Variants in CCDC7 observed in about 807,000 individuals in gnomAD.
CCDC7 encodes the protein coiled-coil domain containing 7, also known as coiled-coil domain-containing protein 7.
In CCDC7, 183 loss-of-function variants were observed where a neutral mutation model predicts 196.9. That is an observed-to-expected ratio of 0.93 (90% CI 0.82 to 1.05). The LOEUF is 1.05. Ranked by LOEUF, CCDC7 falls within the 50% of genes least tolerant of loss-of-function variation. The probability of loss-of-function intolerance (pLI) is 0.00; values close to 1 mark genes in which losing one functional copy is unlikely to be tolerated. For synonymous variants in CCDC7, 525 were observed against 484.6 expected (o/e 1.08, Z -1.10); for missense variants, 1,540 against 1,482.2 (o/e 1.04, Z -0.64).
In CCDC7 at chr10:32,843,089, TAAAAAAATAAATTTTTTTAAAAAATTTA is replaced by T. The variant is rs954786937; in HGVS notation, c.3353-2148_3353-2121del. 6.7e-4 allele frequency among the ~76,000 whole-genome samples: 101 copies of T among 151,484 alleles called. 1 individual carries two copies. Among genetic ancestry groups the T allele is most frequent in the Non-Finnish European group, 1.3e-4 (9 of 67,858 alleles). Reference sequence around the variant, plus strand: ...CCTGTTCCCCAAAAACCTATTGAAATAAAAAAATAAATTTTTTTAAAAAATTTAAAAAATAAAATAACACTGGACGGTA... The same window carrying T: ...CCTGTTCCCCAAAAACCTATTGAAATAAAAATAAAATAACACTGGACGGTA... On this transcript the variant is annotated intron_variant, in intron 33 of 41. Coordinates refer to ENST00000639629, the Ensembl canonical transcript of CCDC7.
chr10:32,535,099 C>G (rs113427957), intron 11 of CCDC7, among the ~76,000 whole-genome samples: 1 of 150,816 alleles, frequency 6.6e-6, no homozygotes, highest in African/African-American at 2.4e-5. Context: ...ACCATCTGCC[C>G]GGAGTTTTTT....
chr10:32,484,233 T>G (rs558253902), intron 8 of CCDC7, among the ~76,000 whole-genome samples: 114 of 152,250 alleles, frequency 7.5e-4, no homozygotes, highest in African/African-American at 2.6e-3. Context: ...GTTGTATTGC[T>G]AGGCATTTTA....
chr10:32,679,403 C>T (rs934725669), intron 21 of CCDC7, among the ~76,000 whole-genome samples: 1 of 152,058 alleles, frequency 6.6e-6, no homozygotes, highest in Admixed American at 6.6e-5. Context: ...GTTTGGGTTG[C>T]TTGTTGGAGG....
chr10:32,712,354 C>T (rs1209495733), intron 25 of CCDC7, among the ~76,000 whole-genome samples: 2 of 152,144 alleles, frequency 1.3e-5, no homozygotes, highest in African/African-American at 2.4e-5. Context: ...AATGGAGCAC[C>T]ATAGCCTTTA....
At chr10:32,518,383 C>T in intron 10 of CCDC7, 33 bp from the exon 12 acceptor site, 1 of 1,539,800 alleles carries the variant, frequency 6.5e-7, no homozygotes, top group Non-Finnish European at 8.7e-7. Flanking sequence ...GAGAGTTTTA[C>T]TCTTCATTAT....
intron 18 of CCDC7, among the ~76,000 whole-genome samples, chr10:32,588,713 G>A (rs931064419): frequency 2.7e-4 from 41 of 152,148 alleles, no homozygotes; most frequent in African/African-American, 9.2e-4. Context: ...AAGAGTGTGA[G>A]GAGAATTGGT....
intron 25 of CCDC7, among the ~76,000 whole-genome samples, chr10:32,724,111 T>G (rs1335991): frequency 0.06 from 9,200 of 152,140 alleles, 895 homozygotes; most frequent in African/African-American, 0.21. Context: ...CCTGAAAAGC[T>G]TATATATACA....
chr10:32,822,905 A>C (rs995318052), intron 31 of CCDC7, among the ~76,000 whole-genome samples: 3 of 152,178 alleles, frequency 2.0e-5, no homozygotes, highest in Non-Finnish European at 2.9e-5. Context: ...TTTCTCCAGC[A>C]CATAACTTTG....
At chr10:32,572,449 A>G (rs1475871843) in intron 16 of CCDC7, among the ~76,000 whole-genome samples, 1 of 152,170 alleles carries the variant, frequency 6.6e-6, no homozygotes. Context: ...ACCTAGAAGT[A>G]TGCATTTATG....
chr10:32,550,468 C>T (rs1420767029), intron 13 of CCDC7, among the ~76,000 whole-genome samples: 1 of 152,106 alleles, frequency 6.6e-6, no homozygotes, highest in Non-Finnish European at 1.5e-5. Context: ...TGAGAATGGG[C>T]ATCCTTGTCT....
intron 20 of CCDC7, among the ~76,000 whole-genome samples, chr10:32,654,114 T>G (rs2069307217): frequency 6.6e-6 from 1 of 152,212 alleles, no homozygotes; most frequent in African/African-American, 2.4e-5. Context: ...GATTCCATCT[T>G]TCCATTTCAG....
At chr10:32,709,351 A>G (rs2080404555) in intron 24 of CCDC7, among the ~76,000 whole-genome samples, 1 of 151,580 alleles carries the variant, frequency 6.6e-6, no homozygotes, top group South Asian at 2.1e-4. Context: ...GGATAGCATT[A>G]AGAGATATAC....
At chr10:32,561,265 G>C (rs2055554074) in intron 13 of CCDC7, among the ~76,000 whole-genome samples, 1 of 147,396 alleles carries the variant, frequency 6.8e-6, no homozygotes, top group African/African-American at 2.5e-5. Flanking sequence ...AACGAGACAA[G>C]CCAGGAATTG....
chr10:32,652,782 T>C (rs1341790870), intron 20 of CCDC7, among the ~76,000 whole-genome samples: 1 of 152,178 alleles, frequency 6.6e-6, no homozygotes, highest in African/African-American at 2.4e-5. Context: ...TTTCTAGTTA[T>C]TATTTTTTAA....
chr10:32,584,995 A>C (rs1398960424), intron 18 of CCDC7, among the ~76,000 whole-genome samples: 1 of 152,160 alleles, frequency 6.6e-6, no homozygotes, highest in Non-Finnish European at 1.5e-5. Flanking sequence ...TACGGTTAAA[A>C]GCAAAGATAT....
chr10:32,585,503 C>A (rs2059179446), intron 18 of CCDC7, among the ~76,000 whole-genome samples: 1 of 152,108 alleles, frequency 6.6e-6, no homozygotes, highest in African/African-American at 2.4e-5. Context: ...TTAGGTATTT[C>A]TCCTAATGTT....
chr10:32,850,594 T>G (rs371683077), intron 39 of CCDC7, among the ~76,000 whole-genome samples: 1 of 152,182 alleles, frequency 6.6e-6, no homozygotes, highest in East Asian at 1.9e-4. Flanking sequence ...AGAATATTCA[T>G]GGCCCTCCCA....
chr10:32,592,250 A>G (rs912800489), intron 18 of CCDC7, among the ~76,000 whole-genome samples: 4 of 151,962 alleles, frequency 2.6e-5, no homozygotes, highest in African/African-American at 9.7e-5. Flanking sequence ...TATTCAATCT[A>G]GCTAAATGTC....
chr10:32,523,141 G>A (rs1380246660), intron 11 of CCDC7, among the ~76,000 whole-genome samples: 3 of 152,196 alleles, frequency 2.0e-5, no homozygotes, highest in Admixed American at 6.5e-5. Flanking sequence ...TTCTGCAACC[G>A]TTGGATGAAA....
Sources: allele counts gnomAD v4.1 joint callset (sites outside exome capture counted in the v4.1 genomes callset), GRCh38; gene constraint gnomAD v4.1.1; transcripts MANE v1.5; gene names NCBI Gene and HGNC (gene_info 2026-07-23, HGNC 2026-07-21).